Variants in EDN1 observed in about 807,000 individuals in gnomAD.
EDN1 encodes the protein endothelin-1.
In EDN1, 11 loss-of-function variants were observed where a neutral mutation model predicts 21.7. The ratio of observed to expected loss-of-function variants is 0.51; its 90% CI spans 0.32 to 0.84. The LOEUF (loss-of-function observed/expected upper bound fraction) is 0.84. Ranked by LOEUF, EDN1 falls within the 40% of genes least tolerant of loss-of-function variation. The pLI is 0.03. For missense variants in EDN1, 244 were observed against 262.3 expected (o/e 0.93, Z 0.48); for synonymous variants, 85 against 90.6 (o/e 0.94, Z 0.35).
At chr6:12,258,470 A>AAAAG in the EDN1 span, among the ~76,000 whole-genome samples, 2 of 151,190 alleles carry the variant, frequency 1.3e-5, no homozygotes, top group African/African-American at 4.9e-5. Context: ...AAAAAAAAAA[A>AAAAG]AGCCAATTAC....
chr6:12,289,614 GT>G (rs1273685017), upstream of EDN1, among the ~76,000 whole-genome samples: 1 of 152,176 alleles, frequency 6.6e-6, no homozygotes, highest in Non-Finnish European at 1.5e-5. Flanking sequence ...TTTTCAATCA[GT>G]TTATCAGCCT....
the EDN1 span, among the ~76,000 whole-genome samples, chr6:12,279,510 C>T: frequency 6.6e-6 from 1 of 152,314 alleles, no homozygotes; most frequent in African/African-American, 2.4e-5. Flanking sequence ...AGCTCTGAAA[C>T]ACATGGGAAG....
chr6:12,292,359 T>G lies in EDN1; in HGVS notation c.83T>G (p.Leu28Arg). 2 of 1,612,476 alleles carry G rather than the reference T, an allele frequency of 1.2e-6. No individual in the cohort carries two copies. The highest frequency in any genetic ancestry group is 1.7e-6 in the Non-Finnish European group (2 of 1,179,072). ...APETAVLGAELSAVGENGGEK... is the reference protein window; with the variant it reads ...APETAVLGAERSAVGENGGEK... ...TCCCCAGCAGTCTTAGGCGCTGAGC[T>G]CAGCGCGGTGGGTGAGAACGGCGGG... is the stretch of plus-strand genomic sequence containing the variant. Residue 28 changes from leucine to arginine, a missense_variant, in exon 2 of 5, where the codon CTC becomes CGC. By Grantham distance (102) the Leu-to-Arg change is moderately radical. Transcript: ENST00000379375.
chr6:12,286,235 A>G (rs1762557705), upstream of EDN1, among the ~76,000 whole-genome samples: 1 of 152,352 alleles, frequency 6.6e-6, no homozygotes, highest in South Asian at 2.1e-4. Flanking sequence ...CCTATGGATG[A>G]GTGTCCAAGA....
At chr6:12,283,211 A>G in the EDN1 span, among the ~76,000 whole-genome samples, 1 of 152,230 alleles carries the variant, frequency 6.6e-6, no homozygotes, top group Non-Finnish European at 1.5e-5. Flanking sequence ...ACAACCAGTA[A>G]AATATACTGT....
the EDN1 span, among the ~76,000 whole-genome samples, chr6:12,275,463 T>G: frequency 6.6e-6 from 1 of 152,168 alleles, no homozygotes; most frequent in African/African-American, 2.4e-5. Flanking sequence ...AGATCTGTAG[T>G]TGTTTATTTT....
the EDN1 span, among the ~76,000 whole-genome samples, chr6:12,284,751 GAAA>G: frequency 1.8e-4 from 24 of 130,724 alleles, no homozygotes; most frequent in Non-Finnish European, 3.2e-4. Flanking sequence ...AAGGAAGGAA[GAAA>G]GAAAGAAAGA....
At chr6:12,276,218 T>G in the EDN1 span, among the ~76,000 whole-genome samples, 2 of 149,934 alleles carry the variant, frequency 1.3e-5, no homozygotes, top group East Asian at 3.9e-4. Context: ...TTTTATTATT[T>G]ACCCAAAGAT....
At position 12,291,211 on chromosome 6, in the gene EDN1, ACCGCCTCCCCCCCCCC is replaced by A. The variant is rs914893257; in HGVS notation, c.64+524_64+539del. 1.6e-4 allele frequency among the ~76,000 whole-genome samples: 17 copies of A among 103,532 alleles called. No individual in the cohort carries two copies. The South Asian group carries it at 6.6e-3, about 40-fold the overall frequency. The allele number at this position is 103,532 out of a possible 152,430, so 67.9% of individuals were successfully genotyped here. A position where few individuals can be genotyped will look rare whatever the true frequency, so the allele number is the denominator to read the frequency against. ...CAGAGCAAAAGTCTGTTGACTAACT[ACCGCCTCCCCCCCCCC>A]CCGCCACCACCCCCCGCAGGCGGTT... is the stretch of plus-strand genomic sequence containing the variant. On this transcript the variant is annotated intron_variant, in intron 1 of 4. Transcript: ENST00000379375.
upstream of EDN1, among the ~76,000 whole-genome samples, chr6:12,287,724 A>T (rs1373277421): frequency 8.1e-3 from 1,171 of 144,254 alleles, 29 homozygotes; most frequent in Admixed American, 0.044. Flanking sequence ...ACACACACAC[A>T]CACACACACA....
At chr6:12,295,900 T>C in intron 4 of EDN1, 62 bp from the exon 5 acceptor site, 1 of 1,547,716 alleles carries the variant, frequency 6.5e-7, no homozygotes, top group Non-Finnish European at 8.9e-7. Context: ...TTTACATGTT[T>C]CTTTTGCCAA....
At chr6:12,288,670 G>T (rs187029349), upstream of EDN1, among the ~76,000 whole-genome samples, 243 of 152,288 alleles carry the variant, frequency 1.6e-3, 1 homozygote, top group African/African-American at 5.2e-3. Context: ...TTATGGACCT[G>T]TCGCTGCCAC....
chr6:12,284,684 A>AAGAG, the EDN1 span, among the ~76,000 whole-genome samples: 13 of 148,130 alleles, frequency 8.8e-5, 1 homozygote, highest in Admixed American at 2.7e-4. Context: ...GAAAGAAAGA[A>AAGAG]AGAGAGAAAG....
chr6:12,275,709 G>A, the EDN1 span, among the ~76,000 whole-genome samples: 1 of 152,212 alleles, frequency 6.6e-6, no homozygotes, highest in East Asian at 1.9e-4. Flanking sequence ...TATGGGTAGA[G>A]GCCTTGCACC....
the EDN1 span, among the ~76,000 whole-genome samples, chr6:12,239,442 T>C: frequency 5.9e-5 from 9 of 152,204 alleles, no homozygotes; most frequent in African/African-American, 2.2e-4. Context: ...GACTACACTT[T>C]GGTCAATGGA....
upstream of EDN1, among the ~76,000 whole-genome samples, chr6:12,287,708 TCTCTCACA>T (rs59337494): frequency 0.023 from 1,775 of 76,032 alleles, 18 homozygotes; most frequent in Admixed American, 0.043. Context: ...TCTCTCTCTC[TCTCTCACA>T]CACACACACA....
rs2113799480 is a variant in EDN1, at chr6:12,296,159, A to T, written c.*92A>T. ...CCACCCTGGCTGGGATCAGAGCAGG[A>T]GCATCCTCTGCTGGTTCCTGACTGG... is the stretch of plus-strand genomic sequence containing the variant. On this transcript the variant is annotated 3_prime_UTR_variant, in exon 5 of 5. Coordinates refer to ENST00000379375, the MANE Select transcript of EDN1 (RefSeq NM_001955.5). 1.8e-6 allele frequency: 2 copies of T among 1,138,614 alleles called. No individual in the cohort carries two copies. The highest frequency in any genetic ancestry group is 2.0e-4 in the Middle Eastern group (1 of 5,092). The allele number at this position is 1,138,614 out of a possible 1,614,324, so 70.5% of individuals were successfully genotyped here. A position where few individuals can be genotyped will look rare whatever the true frequency, so the allele number is the denominator to read the frequency against.
the EDN1 span, among the ~76,000 whole-genome samples, chr6:12,280,988 A>T: frequency 6.6e-6 from 1 of 152,188 alleles, no homozygotes; most frequent in African/African-American, 2.4e-5. Context: ...TTCTCAGATC[A>T]ATTTTTTCTT....
rs1444784024 is a variant in EDN1, at chr6:12,296,800, A to C, written c.*733A>C. On this transcript the variant is annotated 3_prime_UTR_variant, in exon 5 of 5. Coordinates refer to ENST00000379375, the MANE Select transcript of EDN1 (RefSeq NM_001955.5). ...TGTCAGCAGTAGATATAATATTTTC[A>C]TGGTAATCTACTAGCTCTGATCCAT... is the stretch of plus-strand genomic sequence containing the variant. 6.6e-6 allele frequency: 1 copy of C among 152,250 alleles called. No individual in the cohort carries two copies. Among genetic ancestry groups the C allele is most frequent in the Non-Finnish European group, 1.5e-5 (1 of 68,124 alleles). 9.4% of individuals were successfully genotyped at this position (152,250 alleles called of 1,614,324 possible).
Sources: allele counts gnomAD v4.1 joint callset (sites outside exome capture counted in the v4.1 genomes callset), GRCh38; gene constraint gnomAD v4.1.1; transcripts MANE v1.5; gene names NCBI Gene and HGNC (gene_info 2026-07-23, HGNC 2026-07-21).